Variants in NPAS2 observed in about 807,000 individuals in gnomAD.
NPAS2 encodes neuronal PAS domain protein 2.
A neutral mutation model predicts 107.5 loss-of-function variants in NPAS2; 23 were observed. The ratio of observed to expected loss-of-function variants is 0.21; its 90% CI spans 0.15 to 0.30. NPAS2 has a LOEUF of 0.30. Among genes scored for constraint, NPAS2 ranks in the 10% least tolerant of loss-of-function variants. The pLI is 1.00. For synonymous variants in NPAS2, 403 were observed against 417.5 expected, an observed-to-expected ratio of 0.97 and a Z score of 0.42; for missense variants, 756 against 1,043.3, an observed-to-expected ratio of 0.72 and a Z score of 3.79.
intron 11 of NPAS2, chr2:100,970,507 C>T (rs1676473873): frequency 6.5e-6 from 1 of 153,882 alleles, no homozygotes; most frequent in African/African-American, 2.4e-5. Flanking sequence ...CCTGTGGGCT[C>T]ATCTACAGTC....
intron 2 of NPAS2, among the ~76,000 whole-genome samples, chr2:100,919,476 C>T (rs1057176766): frequency 3.3e-5 from 5 of 152,224 alleles, no homozygotes; most frequent in African/African-American, 1.2e-4. Flanking sequence ...TGGCTCTTTC[C>T]CTACATCCCC....
chr2:100,877,739 A>G (rs993225490), intron 1 of NPAS2, among the ~76,000 whole-genome samples: 2 of 152,142 alleles, frequency 1.3e-5, no homozygotes, highest in African/African-American at 4.8e-5. Context: ...TCAATTGAAT[A>G]TGGCGTGACT....
At position 100,974,958 on chromosome 2, in the gene NPAS2, C is replaced by T; in HGVS notation, c.1282+14C>T. The T allele has an allele frequency of 6.2e-7, 1 of 1,613,334 alleles. No individual in the cohort carries two copies. The highest frequency in any genetic ancestry group is 8.5e-7 in the Non-Finnish European group (1 of 1,179,580). On this transcript the variant is annotated intron_variant, in intron 13 of 20. Coordinates refer to ENST00000335681, the MANE Select transcript of NPAS2 (RefSeq NM_002518.4). Reference sequence around the variant, plus strand: ...CAGAACCCACCTGTGAGTGCGAGTCCATGGATGGGGAGTGGGATGTCCACA... The same window carrying T: ...CAGAACCCACCTGTGAGTGCGAGTCTATGGATGGGGAGTGGGATGTCCACA...
At chr2:100,850,742 C>T (rs1366407405) in intron 1 of NPAS2, among the ~76,000 whole-genome samples, 2 of 151,920 alleles carry the variant, frequency 1.3e-5, no homozygotes, top group Non-Finnish European at 2.9e-5. Context: ...CACTTGAGAT[C>T]AGGCATTCGA....
chr2:100,957,784 C>T (rs1259565137), intron 7 of NPAS2, among the ~76,000 whole-genome samples: 5 of 152,176 alleles, frequency 3.3e-5, no homozygotes, highest in Non-Finnish European at 5.9e-5. Flanking sequence ...AAAAATTAGC[C>T]GGGCGCGATG....
intron 1 of NPAS2, among the ~76,000 whole-genome samples, chr2:100,830,048 C>T (rs774095589): frequency 4.6e-5 from 7 of 152,142 alleles, no homozygotes; most frequent in Non-Finnish European, 8.8e-5. Context: ...CAAAAACAAC[C>T]TATCAGTAGA....
intron 5 of NPAS2, among the ~76,000 whole-genome samples, chr2:100,939,602 G>T (rs777043709): frequency 6.6e-6 from 1 of 152,194 alleles, no homozygotes; most frequent in Non-Finnish European, 1.5e-5. Flanking sequence ...TTTGGAGGGC[G>T]CTTGTGTTTT....
intron 14 of NPAS2, chr2:100,977,194 G>A (rs1677073805): frequency 6.0e-6 from 1 of 165,294 alleles, no homozygotes; most frequent in South Asian, 1.7e-4. Context: ...GTTCTGGGCA[G>A]AGGCTGGTGA....
chr2:100,826,159 T>G (rs1676359476), intron 1 of NPAS2, among the ~76,000 whole-genome samples: 1 of 152,172 alleles, frequency 6.6e-6, no homozygotes, highest in Non-Finnish European at 1.5e-5. Context: ...TTTTAAAAAC[T>G]AAGGCCGGGT....
intron 1 of NPAS2, chr2:100,878,624 C>T: frequency 2.0e-6 from 2 of 985,330 alleles, no homozygotes; most frequent in Non-Finnish European, 2.4e-6. Context: ...TATCTGCTAA[C>T]AGAATCAAGG....
At chr2:100,936,143 G>T (rs1489454088) in intron 4 of NPAS2, among the ~76,000 whole-genome samples, 2 of 152,162 alleles carry the variant, frequency 1.3e-5, no homozygotes, top group African/African-American at 4.8e-5. Context: ...AATAATAAAT[G>T]AGTCTAGTGT....
chr2:100,954,685 A>AG, intron 7 of NPAS2, among the ~76,000 whole-genome samples: 1 of 144,412 alleles, frequency 6.9e-6, no homozygotes, highest in East Asian at 2.2e-4. Flanking sequence ...AAAAAAGAAA[A>AG]AAAAGAAAAG....
intron 1 of NPAS2, among the ~76,000 whole-genome samples, chr2:100,858,135 T>A (rs1216677221): frequency 6.6e-6 from 1 of 152,218 alleles, no homozygotes; most frequent in Non-Finnish European, 1.5e-5. Flanking sequence ...TCTCGTTGCC[T>A]CTCTTTTGCA....
intron 1 of NPAS2, among the ~76,000 whole-genome samples, chr2:100,863,867 T>TTC (rs148884504): frequency 3.3e-5 from 5 of 152,032 alleles, no homozygotes; most frequent in Admixed American, 6.6e-5. Context: ...GCAGATCTCC[T>TTC]TCTCTCTCTC....
intron 5 of NPAS2, among the ~76,000 whole-genome samples, chr2:100,942,142 G>A (rs892170928): frequency 6.6e-6 from 1 of 152,146 alleles, no homozygotes; most frequent in Non-Finnish European, 1.5e-5. Context: ...GGAGAAATCT[G>A]CAGGCCAGAA....
intron 7 of NPAS2, among the ~76,000 whole-genome samples, chr2:100,955,781 C>G (rs770423889): frequency 6.6e-6 from 1 of 152,182 alleles, no homozygotes; most frequent in Non-Finnish European, 1.5e-5. Context: ...AAGCCGCCTC[C>G]TCACTTCAGC....
intron 1 of NPAS2, among the ~76,000 whole-genome samples, chr2:100,824,192 C>G (rs114946639): frequency 1.3e-5 from 2 of 152,114 alleles, no homozygotes; most frequent in African/African-American, 4.8e-5. Context: ...ATTAGAGATT[C>G]AATTTGGTTT....
intron 1 of NPAS2, among the ~76,000 whole-genome samples, chr2:100,865,895 C>A (rs1449480821): frequency 6.6e-6 from 1 of 152,194 alleles, no homozygotes; most frequent in African/African-American, 2.4e-5. Flanking sequence ...AAAATTGTTA[C>A]CAGTCCCAAG....
At chr2:100,826,643 C>A (rs201486511) in intron 1 of NPAS2, among the ~76,000 whole-genome samples, 1 of 152,244 alleles carries the variant, frequency 6.6e-6, no homozygotes, top group East Asian at 1.9e-4. Context: ...TTGACTGTTA[C>A]AGTTTTTGTA....
Sources: allele counts gnomAD v4.1 joint callset (sites outside exome capture counted in the v4.1 genomes callset), GRCh38; gene constraint gnomAD v4.1.1; transcripts MANE v1.5; gene names NCBI Gene and HGNC (gene_info 2026-07-23, HGNC 2026-07-21).